The following TMEM67 variants were observed in gnomAD, a reference collection of about 807,000 sequenced individuals.
The protein encoded by TMEM67 is transmembrane protein 67.
In TMEM67, 124 loss-of-function variants were observed where a neutral mutation model predicts 136.6. That is an observed-to-expected ratio of 0.91 (90% CI 0.78 to 1.05). TMEM67 has a LOEUF of 1.05. TMEM67 is among the 50% of genes least tolerant of loss of function. TMEM67 has a pLI of 0.00. For synonymous variants in TMEM67, 364 were observed against 390.5 expected (o/e 0.93, Z 0.80); for missense variants, 1,107 against 1,178.4 (o/e 0.94, Z 0.89).
chr8:93,769,919 T>A (rs1056677834), intron 6 of TMEM67, among the ~76,000 whole-genome samples: 1 of 152,182 alleles, frequency 6.6e-6, no homozygotes, highest in Non-Finnish European at 1.5e-5. Context: ...AGAACAAAAT[T>A]GGTACATAAT....
At chr8:93,824,638 G>A in the TMEM67 span, among the ~76,000 whole-genome samples, 1 of 152,118 alleles carries the variant, frequency 6.6e-6, no homozygotes, top group Admixed American at 6.5e-5. Flanking sequence ...GGCTGGCTTT[G>A]AATTCCCAAC....
At chr8:93,760,879 T>G (rs1356008520) in intron 3 of TMEM67, among the ~76,000 whole-genome samples, 1 of 152,048 alleles carries the variant, frequency 6.6e-6, no homozygotes, top group East Asian at 1.9e-4. Flanking sequence ...ATTTTTAAAA[T>G]AGCCAAGAGT....
At chr8:93,769,159 C>T (rs993830478) in intron 6 of TMEM67, among the ~76,000 whole-genome samples, 5 of 152,080 alleles carry the variant, frequency 3.3e-5, no homozygotes, top group East Asian at 1.9e-4. Context: ...CCAACACTGG[C>T]GCGGGCAGGG....
chr8:93,799,070 C>A (rs549669583), intron 20 of TMEM67, among the ~76,000 whole-genome samples: 5 of 151,760 alleles, frequency 3.3e-5, no homozygotes, highest in African/African-American at 1.2e-4. Flanking sequence ...TCAGTATAAT[C>A]ATGTAGCACC....
the TMEM67 span, among the ~76,000 whole-genome samples, chr8:93,829,557 G>A: frequency 6.6e-6 from 1 of 152,172 alleles, no homozygotes; most frequent in Non-Finnish European, 1.5e-5. Flanking sequence ...TTCTCCCTGC[G>A]ATCACATAGG....
chr8:93,792,921 C>T (rs1008174610), intron 15 of TMEM67, among the ~76,000 whole-genome samples: 1 of 152,062 alleles, frequency 6.6e-6, no homozygotes, highest in African/African-American at 2.4e-5. Flanking sequence ...TACAGGCACC[C>T]ACCACCATGC....
rs1356516823 is a variant in TMEM67, at chr8:93,765,632, C to A, written c.637C>A (p.Arg213Ser). ...TCCTCTACGTAGAATTTCAGCTGCA[C>A]GTTATGGAGAAGTTGTGAGTATGTT... is the stretch of plus-strand genomic sequence containing the variant. ...NFPLRRISAA[R>S]YGEVGMSLTS... The change falls in exon 6 of 28, where the codon CGT (arginine) becomes AGT (serine). Residue 213 changes from arginine (R) to serine (S), a missense_variant. By Grantham distance (110) the Arg-to-Ser change is moderately radical. This residue lies in a region of TMEM67 where 925 missense variants were observed against 1,002.4 expected (regional missense o/e 0.92). Transcript: ENST00000453321. 1.2e-6 allele frequency: 2 copies of A among 1,610,720 alleles called. No homozygotes were observed. The highest frequency in any genetic ancestry group is 2.7e-5 in the African/African-American group (2 of 74,806).
downstream of TMEM67, among the ~76,000 whole-genome samples, chr8:93,821,628 G>A (rs1447673440): frequency 2.6e-5 from 4 of 152,178 alleles, no homozygotes; most frequent in Non-Finnish European, 5.9e-5. Context: ...CCTAGGCATG[G>A]TGACTCATGC....
the TMEM67 span, among the ~76,000 whole-genome samples, chr8:93,826,123 C>CTTTT: frequency 5.5e-4 from 29 of 52,380 alleles, 6 homozygotes; most frequent in Non-Finnish European, 6.9e-4. Flanking sequence ...TTAATCATGT[C>CTTTT]TTTTTTTTTT....
chr8:93,810,561 C>T (rs556765850), intron 26 of TMEM67, among the ~76,000 whole-genome samples: 1 of 152,096 alleles, frequency 6.6e-6, no homozygotes, highest in African/African-American at 2.4e-5. Flanking sequence ...GCCTGGGCAA[C>T]AAGAGTGAAA....
At chr8:93,799,151 G>T (rs1814755647) in intron 20 of TMEM67, among the ~76,000 whole-genome samples, 1 of 152,182 alleles carries the variant, frequency 6.6e-6, no homozygotes, top group African/African-American at 2.4e-5. Flanking sequence ...GTAATGGATG[G>T]ACCAAAAGTA....
At chr8:93,776,555 G>A (rs1813549702) in intron 7 of TMEM67, among the ~76,000 whole-genome samples, 1 of 152,172 alleles carries the variant, frequency 6.6e-6, no homozygotes, top group Admixed American at 6.5e-5. Flanking sequence ...AGAGTTTTTA[G>A]CATGAAGGGC....
intron 3 of TMEM67, among the ~76,000 whole-genome samples, chr8:93,760,855 A>C (rs1180205306): frequency 6.6e-6 from 1 of 152,174 alleles, no homozygotes; most frequent in Non-Finnish European, 1.5e-5. Flanking sequence ...AATAAAAGTA[A>C]GATGAATAAC....
Position 93,755,775 on chromosome 8 carries a change from T to TA in TMEM67, c.224-2dup, listed in dbSNP as rs1554614318. On this transcript the variant is annotated splice_polypyrimidine_tract_variant and splice_region_variant and intron_variant, in intron 1 of 27. Coordinates refer to ENST00000453321, the MANE Select transcript of TMEM67 (RefSeq NM_153704.6). ...GCTTTTTTTTTTTTTTTTTTTTTTT[T>TA]AGGAACTTCATGTGTATGTCTACCA... 1.6e-6 allele frequency: 2 copies of TA among 1,281,664 alleles called. No homozygotes were observed. Among genetic ancestry groups the TA allele is most frequent in the South Asian group, 1.3e-5 (1 of 74,868 alleles). 79.4% of individuals were successfully genotyped at this position (1,281,664 alleles called of 1,614,324 possible).
intron 3 of TMEM67, chr8:93,762,953 C>A: frequency 2.3e-6 from 1 of 436,388 alleles, no homozygotes; most frequent in South Asian, 1.6e-5. Context: ...GAAACAGGGT[C>A]TCACTCTTGC....
At chr8:93,827,383 T>G in the TMEM67 span, among the ~76,000 whole-genome samples, 2 of 152,072 alleles carry the variant, frequency 1.3e-5, no homozygotes, top group African/African-American at 4.8e-5. Context: ...TTTTATTTTA[T>G]TTTATTTTCT....
At chr8:93,774,573 C>G (rs114596160) in intron 7 of TMEM67, among the ~76,000 whole-genome samples, 1 of 151,834 alleles carries the variant, frequency 6.6e-6, no homozygotes. Flanking sequence ...CAAGTGTTCT[C>G]GTTGAATTCC....
chr8:93,805,188 T>C (rs977662619), intron 23 of TMEM67, among the ~76,000 whole-genome samples: 1 of 152,084 alleles, frequency 6.6e-6, no homozygotes, highest in African/African-American at 2.4e-5. Context: ...GCCAGGCTGG[T>C]CTTGAATCCT....
chr8:93,764,559 G>A (rs1812997349), intron 4 of TMEM67, among the ~76,000 whole-genome samples: 1 of 151,718 alleles, frequency 6.6e-6, no homozygotes, highest in African/African-American at 2.4e-5. Context: ...TCTAATTTAA[G>A]CACATTATAC....
Sources: allele counts gnomAD v4.1 joint callset (sites outside exome capture counted in the v4.1 genomes callset), GRCh38; gene constraint gnomAD v4.1.1; regional missense constraint gnomAD v4.1.1; transcripts MANE v1.5; gene names NCBI Gene and HGNC (gene_info 2026-07-23, HGNC 2026-07-21).